Variants in TMED3 observed in about 807,000 individuals in gnomAD.
TMED3 encodes transmembrane p24 trafficking protein 3.
A neutral mutation model predicts 15.0 loss-of-function variants in TMED3; 9 were observed. The ratio of observed to expected loss-of-function variants is 0.60; its 90% CI spans 0.36 to 1.04. The LOEUF is 1.04. Ranked by LOEUF, TMED3 falls within the 50% of genes least tolerant of loss-of-function variation. TMED3 has a pLI of 0.01. For synonymous variants in TMED3, 117 were observed against 121.4 expected, an observed-to-expected ratio of 0.96 and a Z score of 0.24; for missense variants, 267 against 278.9, an observed-to-expected ratio of 0.96 and a Z score of 0.30.
chr15:79,358,648 G>A (rs1323114781), intron 2 of TMED3, among the ~76,000 whole-genome samples: 1 of 152,324 alleles, frequency 6.6e-6, no homozygotes, highest in Admixed American at 6.5e-5. Context: ...TCTGACCACT[G>A]CCTTCCAGTT....
chr15:79,379,682 ATAAT>A (rs1893488172), intron 2 of TMED3, among the ~76,000 whole-genome samples: 1 of 152,212 alleles, frequency 6.6e-6, no homozygotes, highest in Admixed American at 6.5e-5. Flanking sequence ...GCTTTTTGAA[ATAAT>A]TAACAAATAA....
chr15:79,320,064 T>A (rs8025836), intron 2 of TMED3, among the ~76,000 whole-genome samples: 150,156 of 152,154 alleles, frequency 0.99, 74,128 homozygotes, highest in East Asian at 1. Flanking sequence ...GAAAAGGGAG[T>A]CCCCCTTTCC....
chr15:79,330,753 G>A (rs1042837899), intron 2 of TMED3, among the ~76,000 whole-genome samples: 2 of 152,126 alleles, frequency 1.3e-5, no homozygotes, highest in African/African-American at 4.8e-5. Flanking sequence ...AACAAAGCCT[G>A]GAGGTATCAC....
chr15:79,408,092 T>C (rs1480116183), intron 2 of TMED3, among the ~76,000 whole-genome samples: 1 of 152,180 alleles, frequency 6.6e-6, no homozygotes, highest in African/African-American at 2.4e-5. Context: ...GCTATAAAAA[T>C]GGGAGGTATA....
intron 2 of TMED3, among the ~76,000 whole-genome samples, chr15:79,365,389 C>T (rs960812356): frequency 7.9e-5 from 12 of 152,190 alleles, no homozygotes; most frequent in Non-Finnish European, 1.2e-4. Context: ...GAACAAAGAA[C>T]GGCAGTGCAA....
chr15:79,371,812 A>C (rs1427677119), intron 2 of TMED3, among the ~76,000 whole-genome samples: 1 of 152,226 alleles, frequency 6.6e-6, no homozygotes, highest in Non-Finnish European at 1.5e-5. Flanking sequence ...TAAATTTTGC[A>C]ACCTCTGGTT....
At chr15:79,357,680 C>G (rs2009342) in intron 2 of TMED3, among the ~76,000 whole-genome samples, 14,132 of 151,810 alleles carry the variant, frequency 0.093, 707 homozygotes, top group Admixed American at 0.12. Context: ...AGGGAGCTGG[C>G]GGCCCTCCGC....
exon 3 of TMED3, chr15:79,411,551 A>G (rs1329019785): frequency 1.4e-6 from 1 of 699,302 alleles, no homozygotes; most frequent in South Asian, 1.5e-5. Context: ...GGGAAGACAC[A>G]GAAGCTACGC....
At chr15:79,318,540 T>C (rs143900528) in intron 2 of TMED3, among the ~76,000 whole-genome samples, 1 of 152,328 alleles carries the variant, frequency 6.6e-6, no homozygotes, top group African/African-American at 2.4e-5. Context: ...CAGGGTGATG[T>C]AAATACAGAA....
chr15:79,317,823 C>A (rs2058747480), intron 2 of TMED3, among the ~76,000 whole-genome samples: 1 of 152,218 alleles, frequency 6.6e-6, no homozygotes, highest in African/African-American at 2.4e-5. Context: ...ATCTTCTCTT[C>A]CCAGTAGAAT....
chr15:79,371,125 G>T (rs905532003), intron 2 of TMED3, among the ~76,000 whole-genome samples: 4 of 152,172 alleles, frequency 2.6e-5, no homozygotes, highest in Non-Finnish European at 5.9e-5. Flanking sequence ...TTACCAAATA[G>T]TGTGCCAAGT....
At position 79,311,168 on chromosome 15, in the gene TMED3, G is replaced by A. The variant is rs67268531; in HGVS notation, c.-82G>A. ...ACGTCTATCCCCTTACATCCTCCTA[G>A]GACCCGGTCGGTAGTCGTCGCCCCA... On this transcript the variant is annotated 5_prime_UTR_variant, in exon 1 of 3. Transcript: ENST00000299705. The A allele has an allele frequency of 0.34, 497,857 of 1,454,082 alleles. 87,713 individuals are homozygous for A. Among genetic ancestry groups the A allele is most frequent in the African/African-American group, 0.37 (25,972 of 70,002 alleles). The allele number at this position is 1,454,082 out of a possible 1,614,324, so 90.1% of individuals were successfully genotyped here. A position where few individuals can be genotyped will look rare whatever the true frequency, so the allele number is the denominator to read the frequency against.
chr15:79,363,749 A>T (rs1333594750), intron 2 of TMED3, among the ~76,000 whole-genome samples: 2 of 152,172 alleles, frequency 1.3e-5, no homozygotes, highest in African/African-American at 4.8e-5. Context: ...TTATTTTTGT[A>T]CTCTAAACTC....
intron 2 of TMED3, among the ~76,000 whole-genome samples, chr15:79,393,939 C>T (rs1178212633): frequency 6.6e-6 from 1 of 152,194 alleles, no homozygotes; most frequent in Non-Finnish European, 1.5e-5. Flanking sequence ...TCAAGCGATC[C>T]TCCCATCTCT....
chr15:79,371,638 A>G (rs1397645744), intron 2 of TMED3, among the ~76,000 whole-genome samples: 1 of 152,218 alleles, frequency 6.6e-6, no homozygotes, highest in Non-Finnish European at 1.5e-5. Context: ...CCACAGGGGT[A>G]TCTAAACTGT....
intron 2 of TMED3, among the ~76,000 whole-genome samples, chr15:79,372,669 T>C (rs905143405): frequency 6.6e-6 from 1 of 152,144 alleles, no homozygotes; most frequent in Non-Finnish European, 1.5e-5. Context: ...ATGGGAAAAC[T>C]AGCCCCCATG....
At chr15:79,387,224 G>C (rs1381931585) in intron 2 of TMED3, among the ~76,000 whole-genome samples, 1 of 152,064 alleles carries the variant, frequency 6.6e-6, no homozygotes, top group Non-Finnish European at 1.5e-5. Context: ...ATTGTTTTTA[G>C]TGTTTTAGAA....
exon 3 of TMED3, chr15:79,412,812 A>G (rs1297847026): frequency 6.6e-6 from 1 of 152,286 alleles, no homozygotes; most frequent in Non-Finnish European, 1.5e-5. Context: ...GGCACCACCC[A>G]TTGGAGTGTT....
intron 2 of TMED3, among the ~76,000 whole-genome samples, chr15:79,337,516 A>C (rs1217703725): frequency 6.6e-6 from 1 of 152,254 alleles, no homozygotes; most frequent in Non-Finnish European, 1.5e-5. Flanking sequence ...AGTGTTAGAT[A>C]AATTCCATCC....
Sources: allele counts gnomAD v4.1 joint callset (sites outside exome capture counted in the v4.1 genomes callset), GRCh38; gene constraint gnomAD v4.1.1; transcripts MANE v1.5; gene names NCBI Gene and HGNC (gene_info 2026-07-23, HGNC 2026-07-21).